SIM1: variants seen among roughly 807,000 people sequenced by gnomAD.
SIM1 encodes the protein single-minded homolog 1.
In SIM1, 18 loss-of-function variants were observed where a neutral mutation model predicts 78.2. That is an observed-to-expected ratio of 0.23 (90% CI 0.16 to 0.34). The LOEUF (loss-of-function observed/expected upper bound fraction) is 0.34. SIM1 is among the 10% of genes least tolerant of loss of function. The pLI, the probability that SIM1 is intolerant of heterozygous loss-of-function variation, is 1.00. For synonymous variants in SIM1, 417 were observed against 385.2 expected (o/e 1.08, Z -0.97); for missense variants, 939 against 975.1 (o/e 0.96, Z 0.49).
intron 2 of SIM1, among the ~76,000 whole-genome samples, chr6:100,460,527 C>T (rs183706921): frequency 9.9e-4 from 151 of 152,294 alleles, no homozygotes; most frequent in Non-Finnish European, 1.8e-3. Context: ...GACACTTATA[C>T]CTATCTTTAT....
chr6:100,390,523 T>G lies in SIM1; in HGVS notation c.2139A>C (p.Leu713Phe). Residue 713 changes from leucine (L) to phenylalanine (F), a missense_variant, in exon 12 of 12, where the codon TTA (leucine) becomes TTC (phenylalanine). By Grantham distance (22) the Leu-to-Phe change is conservative. This residue lies in a region of SIM1 where 556 missense variants were observed against 521.9 expected (regional missense o/e 1.07). Transcript: ENST00000369208. ...RQYFDKHAYT[L>F]TGYALEHLYD... Reference sequence around the variant, plus strand: ...ATAAGTGCTCCAGGGCATATCCAGTTAATGTGTAAGCATGCTTGTCAAAAT... The same window carrying G: ...ATAAGTGCTCCAGGGCATATCCAGTGAATGTGTAAGCATGCTTGTCAAAAT... 1.9e-6 allele frequency: 3 copies of G among 1,614,148 alleles called. No homozygotes were observed. Among genetic ancestry groups the G allele is most frequent in the Non-Finnish European group, 2.5e-6 (3 of 1,180,022 alleles).
Position 100,388,585 on chromosome 6 carries a change from T to C in SIM1, c.*1776A>G, listed in dbSNP as rs1252331842. 1 of 152,180 alleles carries C rather than the reference T, an allele frequency of 6.6e-6. No individual in the cohort carries two copies. Among genetic ancestry groups the C allele is most frequent in the Non-Finnish European group, 1.5e-5 (1 of 68,018 alleles). 9.4% of individuals were successfully genotyped at this position (152,180 alleles called of 1,614,324 possible). A position where few individuals can be genotyped will look rare whatever the true frequency, so the allele number is the denominator to read the frequency against. On this transcript the variant is annotated 3_prime_UTR_variant, in exon 12 of 12. Coordinates refer to ENST00000369208, the MANE Select transcript of SIM1 (RefSeq NM_005068.3). ...TCATATTATCGTTCAGATTGTCACC[T>C]ACCTATGGACTGTGAAATAACTGTG...
rs1412120919 is a variant in SIM1 at position 100,449,715 on chromosome 6, T to TGTCGCC, written c.349-22_349-17dup. The TGTCGCC allele has an allele frequency of 1.2e-6, 2 of 1,606,666 alleles. No homozygotes were observed. Among genetic ancestry groups the TGTCGCC allele is most frequent in the Non-Finnish European group, 8.5e-7 (1 of 1,174,630 alleles). ...TCAGCTCTACCTGTAAAGAGGAGGA[T>TGTCGCC]GTCGCCGTCGCCGTGGCGGTGGAAT... is the stretch of plus-strand genomic sequence containing the variant. On this transcript the variant is annotated splice_polypyrimidine_tract_variant and intron_variant, in intron 4 of 11. Transcript: ENST00000369208.
chr6:100,390,285 T>C lies in SIM1; in HGVS notation c.*76A>G, dbSNP rs1562229134. Reference sequence around the variant, plus strand: ...TACTCTCTAACAATCTGTGGCATAGTAAATGCTGGTAATGGGGTATTAAAC... The same window carrying C: ...TACTCTCTAACAATCTGTGGCATAGCAAATGCTGGTAATGGGGTATTAAAC... On this transcript the variant is annotated 3_prime_UTR_variant, in exon 12 of 12. Transcript: ENST00000369208. 1.1e-5 allele frequency: 16 copies of C among 1,466,114 alleles called. No individual in the cohort carries two copies. The highest frequency in any genetic ancestry group is 1.4e-5 in the African/African-American group (1 of 70,988). The allele number at this position is 1,466,114 out of a possible 1,614,324, so 90.8% of individuals were successfully genotyped here.
intron 9 of SIM1, among the ~76,000 whole-genome samples, chr6:100,424,829 A>C (rs1466570242): frequency 6.6e-6 from 1 of 152,186 alleles, no homozygotes. Context: ...AAATAGTATC[A>C]TATCCTACCT....
In SIM1 at chr6:100,447,372, C is replaced by T; in HGVS notation, c.894G>A (p.Leu298=). 6.2e-7 allele frequency: 1 copy of T among 1,614,224 alleles called. No homozygotes were observed. Among genetic ancestry groups the T allele is most frequent in the African/African-American group, 1.3e-5 (1 of 75,068 alleles). The change falls in exon 9 of 12, where the codon CTG becomes CTA. Residue 298 remains leucine (L), a synonymous_variant. Coordinates refer to ENST00000369208, the MANE Select transcript of SIM1 (RefSeq NM_005068.3). ...CCCATACCCAGCCGCCGTGTTTCGC[C>T]AGGAACCTGTAGTACTTGGTGGTCA... is the stretch of plus-strand genomic sequence containing the variant. ...GQVTTKYYRF[L]AKHGGWVWVQ... is the part of the protein sequence containing the mutation.
Position 100,387,252 on chromosome 6 carries a change from A to C in SIM1, c.*3109T>G, listed in dbSNP as rs975013922. 1 of 152,074 alleles carries C rather than the reference A, an allele frequency of 6.6e-6. No individual in the cohort carries two copies. Among genetic ancestry groups the C allele is most frequent in the Non-Finnish European group, 1.5e-5 (1 of 67,926 alleles). 9.4% of individuals were successfully genotyped at this position (152,074 alleles called of 1,614,324 possible). ...TCTGTATCTATTTCAATCAAGTTTC[A>C]TGTTTCTCAACATTTGGCAAAGTTA... On this transcript the variant is annotated 3_prime_UTR_variant, in exon 12 of 12. Transcript: ENST00000369208.
chr6:100,396,745 T>A (rs1036276571), intron 10 of SIM1, among the ~76,000 whole-genome samples: 1 of 152,312 alleles, frequency 6.6e-6, no homozygotes, highest in South Asian at 2.1e-4. Context: ...CTGCACTTGA[T>A]GTAAACTCTG....
At chr6:100,435,646 G>A (rs901923167) in intron 9 of SIM1, among the ~76,000 whole-genome samples, 14 of 151,586 alleles carry the variant, frequency 9.2e-5, no homozygotes, top group Admixed American at 9.2e-4. Flanking sequence ...TCTTATAAAA[G>A]AAAAAAGAAG....
intron 2 of SIM1, among the ~76,000 whole-genome samples, chr6:100,460,029 A>C (rs1344866864): frequency 6.6e-6 from 1 of 152,244 alleles, no homozygotes; most frequent in Non-Finnish European, 1.5e-5. Flanking sequence ...TAATTGGCAG[A>C]TATGAAGTGT....
chr6:100,399,352 G>C (rs147882075), intron 10 of SIM1, among the ~76,000 whole-genome samples: 37 of 152,096 alleles, frequency 2.4e-4, no homozygotes, highest in African/African-American at 8.4e-4. Flanking sequence ...AATCCAAAAG[G>C]CTATATGATT....
chr6:100,450,885 T>C (rs1235663235), intron 3 of SIM1, among the ~76,000 whole-genome samples: 1 of 152,142 alleles, frequency 6.6e-6, no homozygotes, highest in African/African-American at 2.4e-5. Context: ...CCAGTGACTC[T>C]GGAAAGAGTC....
intron 10 of SIM1, among the ~76,000 whole-genome samples, chr6:100,412,683 AAAAGAAAGAAAG>A (rs373803181): frequency 0.065 from 5,037 of 76,936 alleles, 257 homozygotes; most frequent in Admixed American, 0.083. Flanking sequence ...GAAAGAAAGA[AAAAGAAAGAAAG>A]AAAGAAAGAA....
intron 9 of SIM1, among the ~76,000 whole-genome samples, chr6:100,428,046 T>C (rs1393602808): frequency 1.3e-5 from 2 of 152,216 alleles, no homozygotes; most frequent in Non-Finnish European, 2.9e-5. Flanking sequence ...GAGAAAGAGA[T>C]ACCTACTAAG....
At chr6:100,419,708 C>A (rs1260957555) in intron 10 of SIM1, among the ~76,000 whole-genome samples, 1 of 152,162 alleles carries the variant, frequency 6.6e-6, no homozygotes, top group Non-Finnish European at 1.5e-5. Context: ...ATGGTGCGAT[C>A]TTGGCTCACT....
intron 10 of SIM1, among the ~76,000 whole-genome samples, chr6:100,404,336 C>G (rs1771001313): frequency 6.6e-6 from 1 of 152,292 alleles, no homozygotes. Context: ...TTTATTCTGG[C>G]AGCTCATTGA....
Position 100,448,150 on chromosome 6 carries a change from A to C in SIM1, c.846T>G (p.His282Gln), listed in dbSNP as rs2114540166. The C allele has an allele frequency of 6.2e-7, 1 of 1,612,014 alleles. No homozygotes were observed. The highest frequency in any genetic ancestry group is 2.2e-5 in the East Asian group (1 of 44,842). Residue 282 changes from histidine to glutamine, a missense_variant, in exon 8 of 12, where the codon CAT becomes CAG. By Grantham distance (24) the His-to-Gln change is conservative. This residue lies in a region of SIM1 where 66 missense variants were observed against 108.4 expected (regional missense o/e 0.61). Transcript: ENST00000369208. ...CDTFHLRCAH[H>Q]LLLVKGQVTT... ...CGGGGCAGGGTGGCGCCTTACGCAA[A>C]TGGTGCGCGCAGCGCAGGTGGAAGG...
At chr6:100,398,930 T>C (rs1001161938) in intron 10 of SIM1, among the ~76,000 whole-genome samples, 16 of 135,970 alleles carry the variant, frequency 1.2e-4, no homozygotes, top group African/African-American at 4.2e-4. Context: ...CCAACACTTG[T>C]TATTGTGTGT....
intron 10 of SIM1, among the ~76,000 whole-genome samples, chr6:100,402,567 CTTTTTTT>C (rs869130841): frequency 3.4e-4 from 26 of 76,332 alleles, no homozygotes; most frequent in East Asian, 2.8e-3. Context: ...TTTCTTTTCT[CTTTTTTT>C]TTTTTTTTTT....
Sources: allele counts gnomAD v4.1 joint callset (sites outside exome capture counted in the v4.1 genomes callset), GRCh38; gene constraint gnomAD v4.1.1; regional missense constraint gnomAD v4.1.1; transcripts MANE v1.5; gene names NCBI Gene and HGNC (gene_info 2026-07-23, HGNC 2026-07-21).